Variants in COMMD10 observed in about 807,000 individuals in gnomAD.
COMMD10 encodes the protein COMM domain-containing protein 10.
In COMMD10, 33 loss-of-function variants were observed where a neutral mutation model predicts 28.9. The observed-to-expected ratio is 1.14, with a 90% CI of 0.87 to 1.53. COMMD10 has a LOEUF of 1.53. COMMD10 is among the 40% of genes most tolerant of loss of function. The probability of loss-of-function intolerance (pLI) is 0.00; values close to 1 mark genes in which losing one functional copy is unlikely to be tolerated. For synonymous variants in COMMD10, 110 were observed against 81.7 expected, an observed-to-expected ratio of 1.35 and a Z score of -1.87; for missense variants, 310 against 233.4, an observed-to-expected ratio of 1.33 and a Z score of -2.14.
At chr5:116,233,048 A>G (rs1388336047) in intron 5 of COMMD10, among the ~76,000 whole-genome samples, 1 of 152,158 alleles carries the variant, frequency 6.6e-6, no homozygotes, top group Non-Finnish European at 1.5e-5. Context: ...TATTCATTCA[A>G]CAAATATTTA....
At chr5:116,109,607 C>T (rs1276364415) in intron 4 of COMMD10, among the ~76,000 whole-genome samples, 2 of 152,022 alleles carry the variant, frequency 1.3e-5, no homozygotes, top group Non-Finnish European at 2.9e-5. Flanking sequence ...AACAAACAAA[C>T]AAAAAATTCC....
intron 5 of COMMD10, among the ~76,000 whole-genome samples, chr5:116,171,897 A>T (rs1013232336): frequency 6.6e-6 from 1 of 152,136 alleles, no homozygotes; most frequent in Non-Finnish European, 1.5e-5. Flanking sequence ...TGATGGTGCA[A>T]CAAACCACCA....
chr5:116,141,485 T>C (rs1752193703), intron 5 of COMMD10, among the ~76,000 whole-genome samples: 1 of 151,964 alleles, frequency 6.6e-6, no homozygotes, highest in African/African-American at 2.4e-5. Flanking sequence ...ATTGAATCCA[T>C]ATATTGCTAT....
intron 5 of COMMD10, among the ~76,000 whole-genome samples, chr5:116,193,655 CT>C (rs1009213055): frequency 1.3e-5 from 2 of 152,174 alleles, no homozygotes; most frequent in Admixed American, 1.3e-4. Context: ...AACACTGGAG[CT>C]CCCAAATATA....
chr5:116,163,325 C>T (rs1752979960), intron 5 of COMMD10, among the ~76,000 whole-genome samples: 1 of 151,302 alleles, frequency 6.6e-6, no homozygotes, highest in Non-Finnish European at 1.5e-5. Flanking sequence ...TAGCTCACTC[C>T]TGTACTTCCA....
At chr5:116,200,553 C>T (rs1158473354) in intron 5 of COMMD10, among the ~76,000 whole-genome samples, 3 of 151,938 alleles carry the variant, frequency 2.0e-5, no homozygotes, top group Admixed American at 6.6e-5. Context: ...ATTTTTATCA[C>T]ACATACGTTA....
intron 2 of COMMD10, among the ~76,000 whole-genome samples, chr5:116,089,523 A>G (rs1240629322): frequency 1.3e-5 from 2 of 152,210 alleles, no homozygotes; most frequent in Non-Finnish European, 2.9e-5. Context: ...TGTTCTTCAC[A>G]CTGAGGGAGT....
At chr5:116,160,434 TGAA>T (rs1210750750) in intron 5 of COMMD10, among the ~76,000 whole-genome samples, 2 of 152,178 alleles carry the variant, frequency 1.3e-5, no homozygotes, top group African/African-American at 4.8e-5. Context: ...TATTAAAATG[TGAA>T]GAAGACAAGA....
chr5:116,257,752 G>A (rs1750330123), intron 5 of COMMD10, among the ~76,000 whole-genome samples: 1 of 151,620 alleles, frequency 6.6e-6, no homozygotes, highest in Admixed American at 6.6e-5. Flanking sequence ...TATTATGGTG[G>A]GTTCAGATGA....
chr5:116,221,909 G>A (rs1228736911), intron 5 of COMMD10, among the ~76,000 whole-genome samples: 1 of 152,232 alleles, frequency 6.6e-6, no homozygotes, highest in Non-Finnish European at 1.5e-5. Flanking sequence ...AGGTAGATAG[G>A]CAGGCAGTTC....
intron 5 of COMMD10, among the ~76,000 whole-genome samples, chr5:116,150,618 A>C (rs538051383): frequency 2.1e-5 from 3 of 140,830 alleles, no homozygotes; most frequent in Admixed American, 7.0e-5. Flanking sequence ...TCTTTGAAGC[A>C]ATTGTGAATG....
intron 4 of COMMD10, among the ~76,000 whole-genome samples, chr5:116,130,037 A>T (rs1467747716): frequency 6.6e-6 from 1 of 151,580 alleles, no homozygotes; most frequent in African/African-American, 2.4e-5. Context: ...TCATATGGCC[A>T]TGGAACAAAT....
At chr5:116,167,592 A>G (rs1380091467) in intron 5 of COMMD10, among the ~76,000 whole-genome samples, 2 of 152,036 alleles carry the variant, frequency 1.3e-5, no homozygotes, top group Non-Finnish European at 2.9e-5. Flanking sequence ...GGGCAGCCAG[A>G]GAGACAGGTC....
intron 4 of COMMD10, among the ~76,000 whole-genome samples, chr5:116,095,406 G>T (rs116730649): frequency 3.3e-5 from 5 of 152,208 alleles, no homozygotes; most frequent in African/African-American, 1.2e-4. Flanking sequence ...AAGCTAAGCT[G>T]TGATGTTTGG....
chr5:116,212,888 TTA>T (rs1749004804), intron 5 of COMMD10, among the ~76,000 whole-genome samples: 1 of 152,056 alleles, frequency 6.6e-6, no homozygotes, highest in African/African-American at 2.4e-5. Context: ...ATAATAAAAT[TTA>T]TGTCATGTGG....
chr5:116,119,772 T>C (rs1219775085), intron 4 of COMMD10, among the ~76,000 whole-genome samples: 1 of 151,942 alleles, frequency 6.6e-6, no homozygotes, highest in African/African-American at 2.4e-5. Context: ...CTGTCATGCC[T>C]AGATACTTTT....
Position 116,121,551 on chromosome 5 carries a change from C to T in COMMD10, c.400-12517C>T, listed in dbSNP as rs1005029596. Among the ~76,000 whole-genome samples, 9 of 152,274 alleles carry T rather than the reference C, an allele frequency of 5.9e-5. No individual in the cohort carries two copies. The South Asian group carries it at 6.2e-4, about 11-fold the overall frequency. On this transcript the variant is annotated intron_variant, in intron 4 of 6. Transcript: ENST00000274458. ...TTCTAGTTCTAGATCCTTGAGGAAT[C>T]GCCACACTGTCTTCCACGATGGTTG...
chr5:116,107,671 C>A (rs900505129), intron 4 of COMMD10, among the ~76,000 whole-genome samples: 1 of 152,118 alleles, frequency 6.6e-6, no homozygotes. Context: ...GCTTCTGAAG[C>A]CTACTTCTGT....
Position 116,269,659 on chromosome 5 carries a change from A to G in COMMD10, c.511-21858A>G, listed in dbSNP as rs559484267. Among the ~76,000 whole-genome samples, 101 of 151,916 alleles carry G rather than the reference A, an allele frequency of 6.6e-4. 3 individuals carry two copies. The highest frequency in any genetic ancestry group is 2.4e-3 in the African/African-American group (97 of 41,274). On this transcript the variant is annotated intron_variant, in intron 5 of 6. Coordinates refer to ENST00000274458, the MANE Select transcript of COMMD10 (RefSeq NM_016144.4). ...AATACCATACTGATTCATCTCAAAT[A>G]TTTTAGCCTCTTCTTAAGTTTCCCT...
Sources: allele counts gnomAD v4.1 joint callset (sites outside exome capture counted in the v4.1 genomes callset), GRCh38; gene constraint gnomAD v4.1.1; transcripts MANE v1.5; gene names NCBI Gene and HGNC (gene_info 2026-07-23, HGNC 2026-07-21).